Variants in CDKL5 observed in about 807,000 individuals in gnomAD.
CDKL5 encodes cyclin dependent kinase like 5.
In CDKL5, 8 loss-of-function variants were observed where a neutral mutation model predicts 61.7. The ratio of observed to expected loss-of-function variants is 0.13; its 90% confidence interval spans 0.08 to 0.23. CDKL5 has a LOEUF of 0.23. Ranked by LOEUF, CDKL5 falls within the 10% of genes least tolerant of loss-of-function variation. CDKL5 has a pLI of 1.00. For synonymous variants in CDKL5, 275 were observed against 272.3 expected (o/e 1.01, Z -0.10); for missense variants, 440 against 734.5 (o/e 0.60, Z 4.63).
intron 16 of CDKL5, among the ~76,000 whole-genome samples, chrX:18,622,867 A>G (rs1926931243): frequency 8.9e-6 from 1 of 111,842 alleles, no homozygotes; most frequent in African/African-American, 3.3e-5. Context: ...CAGCGATGCA[A>G]GTTAAACTCT....
intron 3 of CDKL5, among the ~76,000 whole-genome samples, chrX:18,533,943 T>A (rs751020939): frequency 8.9e-6 from 1 of 111,811 alleles, no homozygotes; most frequent in East Asian, 2.8e-4. Flanking sequence ...CCCCTAGAAC[T>A]CTTGAATAAT....
rs181198353 is a variant in CDKL5 at position 18,556,166 on chromosome X, G to A, written c.100-8311G>A. 4.9e-3 allele frequency among the ~76,000 whole-genome samples: 550 copies of A among 111,822 alleles called. 5 individuals carry two copies. Among genetic ancestry groups the A allele is most frequent in the African/African-American group, 0.017 (530 of 30,815 alleles). The stretch of plus-strand genomic sequence containing the variant: ...GTAAAAATAAATACTTTTGGACTAA[G>A]TTATTTTGGAAGGTTTCTACACAGT... On this transcript the variant is annotated intron_variant, in intron 3 of 17. Transcript: ENST00000623535.
At chrX:18,514,989 G>C (rs1922964980) in intron 3 of CDKL5, among the ~76,000 whole-genome samples, 1 of 110,502 alleles carries the variant, frequency 9.0e-6, no homozygotes, top group Non-Finnish European at 1.9e-5. Flanking sequence ...AGTAGAGACG[G>C]GGCTTCATTA....
chrX:18,502,402 T>A (rs1043912090), intron 1 of CDKL5, among the ~76,000 whole-genome samples: 1 of 112,079 alleles, frequency 8.9e-6, no homozygotes, highest in Non-Finnish European at 1.9e-5. Context: ...AAATTTTTGA[T>A]TCCAGTGAAC....
chrX:18,499,381 G>C lies in CDKL5; in HGVS notation c.-162-7554G>C, dbSNP rs188950193. ...TCTTTGTTTTTTTTTTTTTTTTTGA[G>C]ATGGAGTCTCGCTCTGTCGCCGAGG... On this transcript the variant is annotated intron_variant, in intron 1 of 17. Transcript: ENST00000623535. Among the ~76,000 whole-genome samples, 420 of 90,404 alleles carry C rather than the reference G, an allele frequency of 4.6e-3. 3 individuals carry two copies. The Middle Eastern group carries it at 0.051, about 11-fold the overall frequency. The allele number at this position is 90,404 out of a possible 115,157, so 78.5% of individuals were successfully genotyped here.
chrX:18,573,885 C>T (rs1047890759), intron 4 of CDKL5, among the ~76,000 whole-genome samples: 1 of 111,671 alleles, frequency 9.0e-6, no homozygotes, highest in African/African-American at 3.3e-5. Context: ...TTTCTTTAAA[C>T]TCAGTTTGAG....
intron 1 of CDKL5, among the ~76,000 whole-genome samples, chrX:18,488,853 C>T (rs1404947319): frequency 1.3e-4 from 15 of 111,920 alleles, no homozygotes; most frequent in Middle Eastern, 4.6e-3. Flanking sequence ...GGCTAACCAG[C>T]ATTAATGTTA....
rs1351410761 is a variant in CDKL5, at chrX:18,645,935, T to C, written c.2714-72T>C. 1.8e-5 allele frequency: 22 copies of C among 1,202,616 alleles called. No homozygotes were observed. The Admixed American group carries it at 4.0e-4, about 22-fold the overall frequency. ...ATGGGATGTGGGCAGAAGTGGCCAA[T>C]AGAATATGTTTGTGTTCTTAAAGGC... On this transcript the variant is annotated intron_variant, in intron 19 of 21. Transcript: ENST00000379989.
chrX:18,530,990 A>C (rs1923625048), intron 3 of CDKL5, among the ~76,000 whole-genome samples: 1 of 111,920 alleles, frequency 8.9e-6, no homozygotes, highest in Admixed American at 9.5e-5. Flanking sequence ...CTGTTAATGT[A>C]CTGGAGCTCT....
chrX:18,556,313 A>T (rs1924599691), intron 3 of CDKL5, among the ~76,000 whole-genome samples: 1 of 109,700 alleles, frequency 9.1e-6, no homozygotes, highest in South Asian at 3.8e-4. Flanking sequence ...CTCTTCAGTG[A>T]TGTGTGTGTG....
At chrX:18,642,103 G>A (rs186334493), downstream of CDKL5, 445 of 1,209,861 alleles carry the variant, frequency 3.7e-4, 2 homozygotes, top group East Asian at 7.6e-3. Flanking sequence ...AGATGATGGG[G>A]GGCCGCAGCA....
chrX:18,554,582 A>T (rs1238580242), intron 3 of CDKL5, among the ~76,000 whole-genome samples: 1 of 108,145 alleles, frequency 9.2e-6, no homozygotes, highest in Non-Finnish European at 1.9e-5. Flanking sequence ...CGCCAGGCTA[A>T]TTTTTGTATT....
chrX:18,505,511 A>G (rs1922547593), intron 1 of CDKL5, among the ~76,000 whole-genome samples: 2 of 112,472 alleles, frequency 1.8e-5, no homozygotes, highest in Admixed American at 9.4e-5. Flanking sequence ...TTAATCTGGA[A>G]TAGTCGCTTC....
chrX:18,488,877 G>T (rs1921885485), intron 1 of CDKL5, among the ~76,000 whole-genome samples: 2 of 111,662 alleles, frequency 1.8e-5, no homozygotes, highest in African/African-American at 6.5e-5. Flanking sequence ...CAGACTCTTT[G>T]TAGCAGTAAG....
intron 3 of CDKL5, among the ~76,000 whole-genome samples, chrX:18,520,470 G>A (rs954646581): frequency 6.3e-5 from 7 of 111,750 alleles, no homozygotes; most frequent in Admixed American, 3.8e-4. Flanking sequence ...ATACCTCATC[G>A]TGTTTATCTT....
At chrX:18,564,050 C>T (rs747901966) in intron 3 of CDKL5, among the ~76,000 whole-genome samples, 9 of 111,541 alleles carry the variant, frequency 8.1e-5, no homozygotes, top group African/African-American at 2.6e-4. Context: ...TGCTTGTTAG[C>T]ATTCTGCTAC....
chrX:18,587,458 A>G (rs747402178), intron 8 of CDKL5, among the ~76,000 whole-genome samples: 1 of 111,979 alleles, frequency 8.9e-6, no homozygotes, highest in Non-Finnish European at 1.9e-5. Context: ...TGTGATGCTG[A>G]GCGATGGAAG....
chrX:18,598,087 G>T (rs1265509652), intron 10 of CDKL5, among the ~76,000 whole-genome samples: 2 of 111,635 alleles, frequency 1.8e-5, no homozygotes, highest in African/African-American at 6.5e-5. Context: ...TGGGGGATAA[G>T]AGAAAGATTA....
At chrX:18,649,373 T>C (rs1304467236) in intron 20 of CDKL5, among the ~76,000 whole-genome samples, 1 of 111,961 alleles carries the variant, frequency 8.9e-6, no homozygotes, top group Non-Finnish European at 1.9e-5. Flanking sequence ...TTTCTGATGA[T>C]GAATGATAAA....
Sources: gnomAD v4.1 joint callset for allele counts (sites outside exome capture counted in the v4.1 genomes callset) on GRCh38, gnomAD v4.1.1 for gene constraint, MANE v1.5 for transcripts, NCBI Gene and HGNC (gene_info 2026-07-23, HGNC 2026-07-21) for gene names.